EVI5: variants seen among roughly 807,000 people sequenced by gnomAD.
EVI5 encodes the protein ecotropic viral integration site 5.
Under a neutral mutation model 112.0 loss-of-function variants are expected in EVI5, and 73 were observed. The ratio of observed to expected loss-of-function variants is 0.65; its 90% confidence interval spans 0.54 to 0.79. EVI5 has a LOEUF of 0.79. Ranked by LOEUF, EVI5 falls within the 30% of genes least tolerant of loss-of-function variation. The pLI, the probability that EVI5 is intolerant of heterozygous loss-of-function variation, is 0.00. For missense variants in EVI5, 900 were observed against 968.8 expected (o/e 0.93, Z 0.94); for synonymous variants, 305 against 319.9 (o/e 0.95, Z 0.50).
chr1:92,637,015 G>GA (rs1173489462), intron 13 of EVI5, among the ~76,000 whole-genome samples: 4 of 151,366 alleles, frequency 2.6e-5, no homozygotes, highest in South Asian at 2.1e-4. Context: ...TAATCTAATA[G>GA]AAAAAAAACA....
In EVI5 at chr1:92,510,155, C is replaced by T. The variant is rs200854951; in HGVS notation, c.*3501G>A. ...CAAGAGTTTCAACGGATTAAGGTTT[C>T]CTTACCATGATTCTTTTAACACCTA... is the stretch of plus-strand genomic sequence containing the variant. On this transcript the variant is annotated 3_prime_UTR_variant, in exon 20 of 20. Transcript: ENST00000684568. The T allele has an allele frequency of 6.6e-6, 1 of 152,142 alleles. No homozygotes were observed. Among genetic ancestry groups the T allele is most frequent in the Admixed American group, 6.5e-5 (1 of 15,272 alleles). 9.4% of individuals were successfully genotyped at this position (152,142 alleles called of 1,614,324 possible). A position where few individuals can be genotyped will look rare whatever the true frequency, so the allele number is the denominator to read the frequency against.
At chr1:92,720,331 T>C (rs1002655406) in intron 2 of EVI5, among the ~76,000 whole-genome samples, 1 of 151,916 alleles carries the variant, frequency 6.6e-6, no homozygotes, top group South Asian at 2.1e-4. Context: ...AACAGAGATA[T>C]AGACCAATAG....
chr1:92,592,839 C>T (rs911979927), intron 18 of EVI5, among the ~76,000 whole-genome samples: 4 of 152,264 alleles, frequency 2.6e-5, no homozygotes, highest in Admixed American at 2.0e-4. Flanking sequence ...ATAAATTCCT[C>T]GACACATACA....
chr1:92,775,648 C>T (rs904059317), intron 1 of EVI5, among the ~76,000 whole-genome samples: 2 of 152,080 alleles, frequency 1.3e-5, no homozygotes, highest in South Asian at 2.1e-4. Flanking sequence ...GTGTATTCTA[C>T]GATGTTCATG....
intron 2 of EVI5, among the ~76,000 whole-genome samples, chr1:92,722,292 C>T (rs1020398127): frequency 6.6e-6 from 1 of 151,924 alleles, no homozygotes; most frequent in Non-Finnish European, 1.5e-5. Flanking sequence ...ATTTCATATC[C>T]TTTGATCAAT....
intron 1 of EVI5, among the ~76,000 whole-genome samples, chr1:92,737,997 G>A (rs1292610735): frequency 6.6e-6 from 1 of 152,096 alleles, no homozygotes; most frequent in African/African-American, 2.4e-5. Flanking sequence ...TGTTACCGTT[G>A]AGAGACGAAT....
chr1:92,645,274 G>C (rs1028271366), intron 13 of EVI5, among the ~76,000 whole-genome samples: 8 of 152,004 alleles, frequency 5.3e-5, no homozygotes, highest in Non-Finnish European at 8.8e-5. Context: ...GCTATTCCTT[G>C]TTCTAAAGTC....
intron 1 of EVI5, chr1:92,784,322 T>C: frequency 1.0e-6 from 1 of 985,350 alleles, no homozygotes; most frequent in Non-Finnish European, 1.2e-6. Flanking sequence ...GGCTACAAAC[T>C]CTTCTCAAGT....
At chr1:92,671,804 CTT>C (rs543142314) in intron 10 of EVI5, among the ~76,000 whole-genome samples, 13 of 141,692 alleles carry the variant, frequency 9.2e-5, no homozygotes, top group Admixed American at 1.4e-4. Context: ...CCACCATCAT[CTT>C]TTTTTTTTTT....
chr1:92,710,348 GA>G (rs541874754), intron 2 of EVI5, among the ~76,000 whole-genome samples: 1 of 151,046 alleles, frequency 6.6e-6, no homozygotes, highest in African/African-American at 2.4e-5. Flanking sequence ...ATCCTGTCTC[GA>G]AAAAAAAGCA....
At position 92,723,698 on chromosome 1, in the gene EVI5, G is replaced by A. The variant is rs142619666; in HGVS notation, c.149+12700C>T. On this transcript the variant is annotated intron_variant, in intron 2 of 19. Transcript: ENST00000684568. The stretch of plus-strand genomic sequence containing the variant: ...CCCTGAAAAAGAACAGAATAACAGC[G>A]ATTTTCAGGGAACAAGGGAAGATAA... Among the ~76,000 whole-genome samples, 366 of 152,268 alleles carry A rather than the reference G, an allele frequency of 2.4e-3. 19 individuals are homozygous for A. In the East Asian group the frequency reaches 0.063, roughly 26 times the overall value.
intron 2 of EVI5, among the ~76,000 whole-genome samples, chr1:92,712,364 G>C (rs1672977356): frequency 6.6e-6 from 1 of 151,912 alleles, no homozygotes; most frequent in South Asian, 2.1e-4. Flanking sequence ...CTGTGTTTAA[G>C]ATCAGGGCTT....
At chr1:92,758,570 A>AC (rs1320256555) in intron 1 of EVI5, among the ~76,000 whole-genome samples, 1 of 49,610 alleles carries the variant, frequency 2.0e-5, no homozygotes, top group East Asian at 7.5e-4. Flanking sequence ...ACCCTGTCTC[A>AC]CAAAAAAAAA....
chr1:92,587,088 T>C (rs1218500504), intron 18 of EVI5, among the ~76,000 whole-genome samples: 2 of 152,108 alleles, frequency 1.3e-5, no homozygotes, highest in Admixed American at 1.3e-4. Flanking sequence ...CTCTAGATAC[T>C]TCATCCCTTT....
chr1:92,754,926 A>C (rs1680697285), intron 1 of EVI5, among the ~76,000 whole-genome samples: 1 of 152,238 alleles, frequency 6.6e-6, no homozygotes, highest in Admixed American at 6.5e-5. Flanking sequence ...GGCAATAATG[A>C]AAATGTAAAA....
In EVI5 at chr1:92,597,083, A is replaced by G. The variant is rs185319023; in HGVS notation, c.2070+8224T>C. Among the ~76,000 whole-genome samples the G allele has an allele frequency of 2.9e-4, 44 of 152,336 alleles. 1 individual carries two copies. Among genetic ancestry groups the G allele is most frequent in the Admixed American group, 2.5e-3 (39 of 15,300 alleles). The stretch of plus-strand genomic sequence containing the variant: ...AAATACATTAAAAAACTTGTCAAAG[A>G]TAAGAGGCTAATAAGAGGTTGGACT... On this transcript the variant is annotated intron_variant, in intron 18 of 19. Transcript: ENST00000684568.
chr1:92,673,793 T>G (rs1164937591), intron 10 of EVI5, among the ~76,000 whole-genome samples: 1 of 152,166 alleles, frequency 6.6e-6, no homozygotes, highest in East Asian at 1.9e-4. Context: ...CCTATAACAC[T>G]TTTAGGGAAG....
At chr1:92,707,627 A>T (rs1672219908) in intron 2 of EVI5, among the ~76,000 whole-genome samples, 1 of 152,216 alleles carries the variant, frequency 6.6e-6, no homozygotes, top group South Asian at 2.1e-4. Context: ...AATGGCTACA[A>T]TTCTAAAGAC....
chr1:92,671,066 A>G (rs1318098469), intron 10 of EVI5, among the ~76,000 whole-genome samples: 4 of 152,142 alleles, frequency 2.6e-5, no homozygotes, highest in Non-Finnish European at 5.9e-5. Context: ...CAAAAAATTC[A>G]ACATAATTAC....
Sources: gnomAD v4.1 joint callset for allele counts (sites outside exome capture counted in the v4.1 genomes callset) on GRCh38, gnomAD v4.1.1 for gene constraint, MANE v1.5 for transcripts, NCBI Gene and HGNC (gene_info 2026-07-23, HGNC 2026-07-21) for gene names.